MTHFD2L: variants seen among roughly 807,000 people sequenced by gnomAD.
The protein encoded by MTHFD2L is methylenetetrahydrofolate dehydrogenase (NADP+ dependent) 2 like.
In MTHFD2L, 29 loss-of-function variants were observed where a neutral mutation model predicts 34.9. That is an observed-to-expected ratio of 0.83 (90% CI 0.62 to 1.13). The LOEUF is 1.13. MTHFD2L is among the 50% of genes most tolerant of loss of function. MTHFD2L has a pLI of 0.00. For missense variants in MTHFD2L, 481 were observed against 446.5 expected (o/e 1.08, Z -0.70); for synonymous variants, 167 against 155.7 (o/e 1.07, Z -0.54).
At chr4:74,145,642 A>G (rs1723550613) in intron 1 of MTHFD2L, among the ~76,000 whole-genome samples, 1 of 152,192 alleles carries the variant, frequency 6.6e-6, no homozygotes, top group African/African-American at 2.4e-5. Flanking sequence ...ACAAACTGAT[A>G]TGGTTTGGGT....
intron 3 of MTHFD2L, chr4:74,181,626 T>A (rs747768550): frequency 1.3e-5 from 2 of 152,176 alleles, no homozygotes; most frequent in African/African-American, 4.8e-5. Context: ...GAAGTCTACT[T>A]CTCATTTATT....
chr4:74,173,259 C>T (rs976906207), intron 1 of MTHFD2L, among the ~76,000 whole-genome samples: 2 of 152,152 alleles, frequency 1.3e-5, no homozygotes, highest in Non-Finnish European at 2.9e-5. Flanking sequence ...AGTTTGAGGT[C>T]ATGGAGAGCA....
intron 1 of MTHFD2L, chr4:74,140,558 G>A: frequency 1.0e-6 from 1 of 979,106 alleles, no homozygotes; most frequent in South Asian, 4.7e-5. Flanking sequence ...ATTCATTTAG[G>A]CTATACTACA....
chr4:74,125,141 C>T (rs201792641), upstream of MTHFD2L, among the ~76,000 whole-genome samples: 13 of 152,100 alleles, frequency 8.5e-5, no homozygotes, highest in East Asian at 1.2e-3. Flanking sequence ...AAGAAAGTTT[C>T]GAAAATGATA....
chr4:74,147,040 T>C (rs1723635112), intron 1 of MTHFD2L, among the ~76,000 whole-genome samples: 1 of 152,206 alleles, frequency 6.6e-6, no homozygotes, highest in Non-Finnish European at 1.5e-5. Flanking sequence ...TGCTTTTCTG[T>C]GCTATCTTGG....
chr4:74,295,698 G>A (rs1749547225), intron 7 of MTHFD2L, among the ~76,000 whole-genome samples: 1 of 152,034 alleles, frequency 6.6e-6, no homozygotes. Context: ...ACCAGACACT[G>A]CCTACCTCTT....
intron 6 of MTHFD2L, among the ~76,000 whole-genome samples, chr4:74,273,829 C>G (rs751264564): frequency 4.6e-5 from 7 of 152,132 alleles, no homozygotes; most frequent in Admixed American, 6.6e-5. Flanking sequence ...ATGGCTGGGC[C>G]TTCTCCAGGT....
At chr4:74,206,618 T>C in intron 5 of MTHFD2L, among the ~76,000 whole-genome samples, 1 of 152,080 alleles carries the variant, frequency 6.6e-6, no homozygotes, top group Admixed American at 6.5e-5. Context: ...AAGTTGAAAA[T>C]GCATTTTGAA....
rs1578350763 is a variant in MTHFD2L at position 74,175,334 on chromosome 4, T to C, written c.382T>C (p.Leu128=). The change falls in exon 3 of 8, where the codon TTG becomes CTG. Residue 128 remains leucine, a synonymous_variant. Coordinates refer to ENST00000325278, the MANE Select transcript of MTHFD2L (RefSeq NM_001144978.3). ...KPKDVSQEEL[L]DVTDQLNMDP... The stretch of plus-strand genomic sequence containing the variant: ...TAAGGATGTTTCTCAGGAAGAACTT[T>C]TGGACGTAACTGATCAATTGAATAT... 3 of 1,613,328 alleles carry C rather than the reference T, an allele frequency of 1.9e-6. No homozygotes were observed. Among genetic ancestry groups the C allele is most frequent in the Non-Finnish European group, 2.5e-6 (3 of 1,179,442 alleles).
At chr4:74,204,431 C>T (rs1734961783) in intron 5 of MTHFD2L, among the ~76,000 whole-genome samples, 2 of 152,120 alleles carry the variant, frequency 1.3e-5, no homozygotes, top group South Asian at 2.1e-4. Context: ...TGTGAAGTAA[C>T]ATGATCTGAG....
chr4:74,253,783 AG>A (rs1359516898), intron 6 of MTHFD2L, among the ~76,000 whole-genome samples: 1 of 152,018 alleles, frequency 6.6e-6, no homozygotes, highest in Non-Finnish European at 1.5e-5. Context: ...CCATGGCTCT[AG>A]GCTGGAGGCC....
Position 74,196,873 on chromosome 4 carries a change from G to A in MTHFD2L, c.452-2921G>A, listed in dbSNP as rs1024445154. 6.0e-5 allele frequency among the ~76,000 whole-genome samples: 9 copies of A among 151,240 alleles called. No homozygotes were observed. In the South Asian group the frequency reaches 1.9e-3, roughly 32 times the overall value. On this transcript the variant is annotated intron_variant, in intron 3 of 7. Transcript: ENST00000325278. Reference sequence around the variant, plus strand: ...AGGCAGAAGAATCTACTGAACCCAGGAGGCGGAGGTTGCAGTGACCTGAGA... The same window carrying A: ...AGGCAGAAGAATCTACTGAACCCAGAAGGCGGAGGTTGCAGTGACCTGAGA...
At chr4:74,294,825 C>T (rs1379991553) in intron 7 of MTHFD2L, among the ~76,000 whole-genome samples, 1 of 151,916 alleles carries the variant, frequency 6.6e-6, no homozygotes, top group African/African-American at 2.4e-5. Context: ...AAATCTGAAG[C>T]CAATAACATA....
chr4:74,183,929 A>G (rs568734149), intron 3 of MTHFD2L: 3 of 152,298 alleles, frequency 2.0e-5, no homozygotes, highest in African/African-American at 7.2e-5. Flanking sequence ...CAATAGCACA[A>G]AAGTTTGTAT....
chr4:74,133,671 T>C (rs1289660342), intron 1 of MTHFD2L, among the ~76,000 whole-genome samples: 1 of 152,240 alleles, frequency 6.6e-6, no homozygotes, highest in Non-Finnish European at 1.5e-5. Flanking sequence ...TTTTAAATTA[T>C]TATTTCAATT....
intron 5 of MTHFD2L, among the ~76,000 whole-genome samples, chr4:74,218,091 T>G (rs1415944850): frequency 6.6e-6 from 1 of 152,164 alleles, no homozygotes; most frequent in Non-Finnish European, 1.5e-5. Context: ...AATAGAGAAT[T>G]GTGTATTCTC....
At chr4:74,206,856 A>G (rs1046079559) in intron 5 of MTHFD2L, among the ~76,000 whole-genome samples, 4 of 152,190 alleles carry the variant, frequency 2.6e-5, no homozygotes, top group African/African-American at 9.7e-5. Flanking sequence ...TAACTGTCAT[A>G]AGAGGATATA....
intron 6 of MTHFD2L, among the ~76,000 whole-genome samples, chr4:74,246,781 A>T (rs975255587): frequency 6.6e-6 from 1 of 152,180 alleles, no homozygotes; most frequent in Non-Finnish European, 1.5e-5. Flanking sequence ...CAAAGATCAG[A>T]TAGGAGTAGA....
chr4:74,259,586 T>C (rs1215510940), intron 6 of MTHFD2L, among the ~76,000 whole-genome samples: 1 of 152,196 alleles, frequency 6.6e-6, no homozygotes, highest in African/African-American at 2.4e-5. Context: ...CCCATAGTTC[T>C]TCCTAAGAGA....
Sources: gnomAD v4.1 joint callset for allele counts (sites outside exome capture counted in the v4.1 genomes callset) on GRCh38, gnomAD v4.1.1 for gene constraint, MANE v1.5 for transcripts, NCBI Gene and HGNC (gene_info 2026-07-23, HGNC 2026-07-21) for gene names.